NAALADL2: variants seen among roughly 807,000 people sequenced by gnomAD.
The protein encoded by NAALADL2 is N-acetylated alpha-linked acidic dipeptidase like 2.
In NAALADL2, 76 loss-of-function variants were observed where a neutral mutation model predicts 87.2. The observed-to-expected ratio is 0.87, with a 90% CI of 0.72 to 1.05. The LOEUF (loss-of-function observed/expected upper bound fraction) is 1.05, where lower values mean the gene tolerates loss of function less well. Among genes scored for constraint, NAALADL2 ranks in the 50% least tolerant of loss-of-function variants. NAALADL2 has a pLI of 0.00. For missense variants in NAALADL2, 1,089 were observed against 945.8 expected (o/e 1.15, Z -1.99); for synonymous variants, 354 against 331.0 (o/e 1.07, Z -0.75).
At chr3:175,355,717 T>C (rs886579790) in intron 5 of NAALADL2, among the ~76,000 whole-genome samples, 1 of 152,342 alleles carries the variant, frequency 6.6e-6, no homozygotes, top group Middle Eastern at 3.4e-3. Flanking sequence ...TGCCTGGGAA[T>C]ACTTCATGTA....
intron 3 of NAALADL2, among the ~76,000 whole-genome samples, chr3:174,839,016 A>G (rs1723697684): frequency 6.6e-6 from 1 of 152,208 alleles, no homozygotes; most frequent in African/African-American, 2.4e-5. Context: ...ATAAGGAACC[A>G]AAAGAGAGCC....
intron 5 of NAALADL2, among the ~76,000 whole-genome samples, chr3:175,369,057 A>G (rs753221427): frequency 3.9e-5 from 6 of 152,164 alleles, no homozygotes; most frequent in Non-Finnish European, 8.8e-5. Context: ...CTGTACACTT[A>G]GGTTACACTA....
chr3:175,041,350 G>T (rs1422548452), intron 1 of NAALADL2, among the ~76,000 whole-genome samples: 1 of 152,130 alleles, frequency 6.6e-6, no homozygotes, highest in Non-Finnish European at 1.5e-5. Context: ...CTGTTTCTAA[G>T]AATATCTATT....
rs1245619303 is a variant in NAALADL2 at position 175,363,078 on chromosome 3, C to G, written c.1090+38753C>G. On this transcript the variant is annotated intron_variant, in intron 5 of 13. Coordinates refer to ENST00000454872, the MANE Select transcript of NAALADL2 (RefSeq NM_207015.3). Reference sequence around the variant, plus strand: ...TCTTATTGTATTATCTTGTTGTATTCTCTTATCTTGTTTGTTTGTTTCTGT... The same window carrying G: ...TCTTATTGTATTATCTTGTTGTATTGTCTTATCTTGTTTGTTTGTTTCTGT... Among the ~76,000 whole-genome samples the G allele has an allele frequency of 2.0e-5, 3 of 147,030 alleles. 1 individual carries two copies. Among genetic ancestry groups the G allele is most frequent in the Non-Finnish European group, 3.0e-5 (2 of 66,290 alleles).
chr3:175,689,793 A>G (rs980276509), intron 11 of NAALADL2, among the ~76,000 whole-genome samples: 3 of 152,128 alleles, frequency 2.0e-5, no homozygotes, highest in African/African-American at 7.2e-5. Context: ...GCTTTAGGCT[A>G]AAAGAACTTG....
intron 9 of NAALADL2, among the ~76,000 whole-genome samples, chr3:175,575,499 G>A (rs1194308480): frequency 6.6e-6 from 1 of 151,940 alleles, no homozygotes; most frequent in African/African-American, 2.4e-5. Flanking sequence ...TGGCCAGGCT[G>A]GTCTCAAACT....
At chr3:174,934,335 A>C (rs1006282505) in intron 1 of NAALADL2, among the ~76,000 whole-genome samples, 45 of 152,162 alleles carry the variant, frequency 3.0e-4, no homozygotes, top group African/African-American at 9.7e-4. Flanking sequence ...ATTTTTAACT[A>C]TTAACCCAGA....
intron 3 of NAALADL2, among the ~76,000 whole-genome samples, chr3:174,835,708 T>G (rs76905430): frequency 0.02 from 2,977 of 152,262 alleles, 104 homozygotes; most frequent in African/African-American, 0.069. Context: ...GAATAGACAC[T>G]TCTTTAACGA....
At chr3:175,440,891 G>A (rs954651798) in intron 5 of NAALADL2, among the ~76,000 whole-genome samples, 1 of 152,174 alleles carries the variant, frequency 6.6e-6, no homozygotes, top group East Asian at 1.9e-4. Context: ...TCTCTTGTCT[G>A]ATTGCTCTGG....
rs192062836 is a variant in NAALADL2 at position 175,702,626 on chromosome 3, T to C, written c.1897-34680T>C. ...ATTGTAAGACACAAAGCATAATTTG[T>C]TTTTCATCCCATGCCAGATCCTGAT... On this transcript the variant is annotated intron_variant, in intron 11 of 13. Coordinates refer to ENST00000454872, the MANE Select transcript of NAALADL2 (RefSeq NM_207015.3). Among the ~76,000 whole-genome samples, 162 of 152,304 alleles carry C rather than the reference T, an allele frequency of 1.1e-3. 1 individual carries two copies. Among genetic ancestry groups the C allele is most frequent in the Admixed American group, 4.9e-3 (75 of 15,296 alleles).
intron 1 of NAALADL2, among the ~76,000 whole-genome samples, chr3:175,068,039 C>G (rs57641208): frequency 0.097 from 14,712 of 151,908 alleles, 1,598 homozygotes; most frequent in African/African-American, 0.27. Flanking sequence ...CTAAACATTG[C>G]GTACTCCTGG....
chr3:174,467,739 A>G (rs925743651), intron 1 of NAALADL2, among the ~76,000 whole-genome samples: 10 of 152,104 alleles, frequency 6.6e-5, no homozygotes, highest in Non-Finnish European at 1.0e-4. Flanking sequence ...AAAACTCTCT[A>G]AGATTTATTC....
In NAALADL2 at chr3:174,632,374, G is replaced by A. The variant is rs541521828; in HGVS notation, c.-115+81737G>A. On this transcript the variant is annotated intron_variant, in intron 2 of 3. Transcript: ENST00000434257. ...ATAATTAAAATAGTCATGCCCTCAC[G>A]TTGATTACATTAAAGTTCGGGGAAA... is the stretch of plus-strand genomic sequence containing the variant. Among the ~76,000 whole-genome samples, 285 of 152,208 alleles carry A rather than the reference G, an allele frequency of 1.9e-3. 2 individuals are homozygous for A. Among genetic ancestry groups the A allele is most frequent in the African/African-American group, 6.2e-3 (258 of 41,516 alleles).
At chr3:174,809,496 C>T (rs1719912100) in intron 3 of NAALADL2, among the ~76,000 whole-genome samples, 1 of 152,158 alleles carries the variant, frequency 6.6e-6, no homozygotes, top group African/African-American at 2.4e-5. Context: ...TGAACACTGA[C>T]TTTTCTATAG....
At chr3:174,994,896 G>A (rs1399271447) in intron 1 of NAALADL2, among the ~76,000 whole-genome samples, 1 of 152,060 alleles carries the variant, frequency 6.6e-6, no homozygotes, top group African/African-American at 2.4e-5. Context: ...TCTCTTCAGA[G>A]TTTCTTTGTA....
intron 1 of NAALADL2, among the ~76,000 whole-genome samples, chr3:175,000,158 T>C (rs1302264926): frequency 6.6e-6 from 1 of 152,206 alleles, no homozygotes; most frequent in Non-Finnish European, 1.5e-5. Flanking sequence ...CCAGGTTCTT[T>C]GTTAGGCTCT....
chr3:175,131,224 A>T (rs1727801267), intron 2 of NAALADL2, among the ~76,000 whole-genome samples: 1 of 148,640 alleles, frequency 6.7e-6, no homozygotes, highest in Non-Finnish European at 1.5e-5. Context: ...GGGTCATAGG[A>T]CAATAGTGGA....
intron 1 of NAALADL2, among the ~76,000 whole-genome samples, chr3:174,931,617 C>G (rs1324193079): frequency 2.6e-5 from 4 of 152,080 alleles, no homozygotes; most frequent in Non-Finnish European, 5.9e-5. Context: ...TGAGACATCC[C>G]TATGGCACTA....
intron 2 of NAALADL2, among the ~76,000 whole-genome samples, chr3:174,563,477 A>T (rs1713875384): frequency 1.3e-5 from 2 of 151,888 alleles, no homozygotes; most frequent in South Asian, 4.2e-4. Flanking sequence ...TGTGAAGAGT[A>T]GAAAGATTTA....
Sources: allele counts gnomAD v4.1 joint callset (sites outside exome capture counted in the v4.1 genomes callset), GRCh38; gene constraint gnomAD v4.1.1; transcripts MANE v1.5; gene names NCBI Gene and HGNC (gene_info 2026-07-23, HGNC 2026-07-21).